Variants in STMN4 observed in about 807,000 individuals in gnomAD.
STMN4 encodes the protein stathmin 4.
In STMN4, 12 loss-of-function variants were observed where a neutral mutation model predicts 29.1. The ratio of observed to expected loss-of-function variants is 0.41; its 90% CI spans 0.26 to 0.67. The LOEUF (loss-of-function observed/expected upper bound fraction) is 0.67, where lower values mean the gene tolerates loss of function less well. Ranked by LOEUF, STMN4 falls within the 30% of genes least tolerant of loss-of-function variation. The pLI is 0.30. For synonymous variants in STMN4, 114 were observed against 105.3 expected (o/e 1.08, Z -0.51); for missense variants, 181 against 262.8 (o/e 0.69, Z 2.15).
chr8:27,241,363 A>G, intron 4 of STMN4, 101 bp from the exon 5 acceptor site: 1 of 1,424,580 alleles, frequency 7.0e-7, no homozygotes, highest in Non-Finnish European at 9.8e-7. Context: ...CTGGGGCCCC[A>G]AGCAAGCTGG....
At chr8:27,244,752 G>C (rs930659342) in intron 1 of STMN4, among the ~76,000 whole-genome samples, 2 of 152,202 alleles carry the variant, frequency 1.3e-5, no homozygotes, top group Admixed American at 6.5e-5. Context: ...AAAGAGGAGG[G>C]GGCGGGGCAG....
intron 2 of STMN4, 31 bp from the exon 3 acceptor site, chr8:27,242,523 CGCCTCTCCTA>C: frequency 6.2e-7 from 1 of 1,605,122 alleles, no homozygotes; most frequent in Non-Finnish European, 8.5e-7. Flanking sequence ...GTGAGGATGG[CGCCTCTCCTA>C]GCCTCAGAAG....
At chr8:27,237,291 G>T (rs1801338228) in intron 6 of STMN4, among the ~76,000 whole-genome samples, 1 of 152,216 alleles carries the variant, frequency 6.6e-6, no homozygotes, top group African/African-American at 2.4e-5. Context: ...AGAACAGACA[G>T]GCCTCACTAC....
At chr8:27,239,729 G>T (rs965196150) in intron 6 of STMN4, 3 of 1,462,406 alleles carry the variant, frequency 2.1e-6, no homozygotes, top group Non-Finnish European at 1.8e-6. Context: ...GGCAATGAAG[G>T]ATTTTAATTG....
intron 2 of STMN4, among the ~76,000 whole-genome samples, 186 bp downstream of exon 2, chr8:27,243,525 G>A (rs951986791): frequency 6.6e-6 from 1 of 151,674 alleles, no homozygotes; most frequent in African/African-American, 2.4e-5. Context: ...GTCGCCTGTG[G>A]TGACAGGCAG....
chr8:27,250,072 G>T (rs1801740435), intron 1 of STMN4, among the ~76,000 whole-genome samples: 1 of 152,176 alleles, frequency 6.6e-6, no homozygotes, highest in Non-Finnish European at 1.5e-5. Context: ...TCTGCCTGAG[G>T]TCCTCTAACC....
intron 6 of STMN4, chr8:27,239,177 T>C (rs1801393739): frequency 5.2e-6 from 8 of 1,525,012 alleles, no homozygotes; most frequent in Middle Eastern, 1.7e-4. Context: ...GCCAAGGGCC[T>C]GAGACTCTAG....
chr8:27,241,591 A>T (rs1801473538), intron 4 of STMN4, 86 bp downstream of exon 4: 15 of 1,476,308 alleles, frequency 1.0e-5, no homozygotes, highest in African/African-American at 1.4e-5. Flanking sequence ...GGTGACAGGC[A>T]GGGGTGCGTT....
intron 1 of STMN4, among the ~76,000 whole-genome samples, chr8:27,255,685 C>A (rs1801920226): frequency 6.6e-6 from 1 of 152,136 alleles, no homozygotes; most frequent in Non-Finnish European, 1.5e-5. Context: ...GTTTGTCAAT[C>A]TTTGTTGCTC....
At chr8:27,244,445 C>T (rs988907830) in intron 1 of STMN4, among the ~76,000 whole-genome samples, 3 of 152,058 alleles carry the variant, frequency 2.0e-5, no homozygotes, top group African/African-American at 7.2e-5. Flanking sequence ...CAGAAATCAG[C>T]GTGAGGAATT....
chr8:27,237,608 C>T (rs931686607), intron 6 of STMN4, among the ~76,000 whole-genome samples: 2 of 152,070 alleles, frequency 1.3e-5, no homozygotes, highest in Admixed American at 1.3e-4. Context: ...TTGCCCAACT[C>T]CAAAAAGTGG....
At chr8:27,241,574 C>A in intron 4 of STMN4, 103 bp downstream of exon 4, 1 of 1,376,068 alleles carries the variant, frequency 7.3e-7, no homozygotes. Context: ...CTCAATTTGT[C>A]GTCCGTGGTG....
chr8:27,244,069 C>T (rs1563416094), intron 1 of STMN4, among the ~76,000 whole-genome samples: 1 of 152,184 alleles, frequency 6.6e-6, no homozygotes, highest in African/African-American at 2.4e-5. Flanking sequence ...GCGTGGGTTT[C>T]CCAAAAACGT....
intron 1 of STMN4, among the ~76,000 whole-genome samples, chr8:27,250,968 G>T (rs1801764166): frequency 1.3e-5 from 2 of 152,150 alleles, no homozygotes; most frequent in Non-Finnish European, 2.9e-5. Flanking sequence ...TGCAGAAGCG[G>T]CTGAGTGCGA....
intron 1 of STMN4, among the ~76,000 whole-genome samples, chr8:27,249,099 C>G (rs960541551): frequency 3.3e-5 from 5 of 152,136 alleles, no homozygotes; most frequent in South Asian, 2.1e-4. Context: ...GATAACCCCC[C>G]CCAAGCACAG....
At chr8:27,245,748 G>T (rs529039130) in intron 1 of STMN4, among the ~76,000 whole-genome samples, 1 of 152,350 alleles carries the variant, frequency 6.6e-6, no homozygotes, top group African/African-American at 2.4e-5. Flanking sequence ...AATAGGTGGA[G>T]GGGAGGCAGA....
chr8:27,243,590 AC>A (rs376559855), intron 2 of STMN4, 120 bp downstream of exon 2: 15 of 1,046,466 alleles, frequency 1.4e-5, no homozygotes, highest in African/African-American at 6.4e-5. Context: ...CACTACCTGC[AC>A]CCCCCCACAC....
chr8:27,256,088 T>C (rs1035966258), intron 1 of STMN4, among the ~76,000 whole-genome samples: 10 of 152,170 alleles, frequency 6.6e-5, no homozygotes, highest in Non-Finnish European at 1.2e-4. Flanking sequence ...GACATTACAC[T>C]CAGCGAAATA....
chr8:27,245,549 C>T (rs897615588), intron 1 of STMN4, among the ~76,000 whole-genome samples: 1 of 152,252 alleles, frequency 6.6e-6, no homozygotes, highest in African/African-American at 2.4e-5. Flanking sequence ...CTGACGGCAC[C>T]AGTGAGTCCC....
Sources: allele counts gnomAD v4.1 joint callset (sites outside exome capture counted in the v4.1 genomes callset), GRCh38; gene constraint gnomAD v4.1.1; transcripts MANE v1.5; gene names NCBI Gene and HGNC (gene_info 2026-07-23, HGNC 2026-07-21).